MLLT3: variants seen among roughly 807,000 people sequenced by gnomAD.
The protein encoded by MLLT3 is protein AF-9.
Under a neutral mutation model 53.2 loss-of-function variants are expected in MLLT3, and 4 were observed. The observed-to-expected ratio is 0.08, with a 90% CI of 0.04 to 0.17. MLLT3 has a LOEUF of 0.17. MLLT3 is among the 10% of genes least tolerant of loss of function. The probability of loss-of-function intolerance (pLI) is 1.00; values close to 1 mark genes in which losing one functional copy is unlikely to be tolerated. For synonymous variants in MLLT3, 283 were observed against 230.6 expected, an observed-to-expected ratio of 1.23 and a Z score of -2.06; for missense variants, 569 against 684.0, an observed-to-expected ratio of 0.83 and a Z score of 1.87.
chr9:20,363,459 C>T lies in MLLT3; in HGVS notation c.1331+17G>A, dbSNP rs756265354. 6.2e-7 allele frequency: 1 copy of T among 1,612,870 alleles called. No individual in the cohort carries two copies. Among genetic ancestry groups the T allele is most frequent in the Admixed American group, 1.7e-5 (1 of 59,964 alleles). On this transcript the variant is annotated intron_variant, in intron 7 of 10. Coordinates refer to ENST00000380338, the MANE Select transcript of MLLT3 (RefSeq NM_004529.4). ...TGACTTCATCACAGGCAACCCCTTT[C>T]CTTCCAAGATACTCACCTGCGACTT...
chr9:20,526,508 G>C (rs1178826498), intron 2 of MLLT3, among the ~76,000 whole-genome samples: 1 of 152,138 alleles, frequency 6.6e-6, no homozygotes, highest in Non-Finnish European at 1.5e-5. Context: ...CTTCTTAAGA[G>C]TCATTCACAT....
chr9:20,427,703 G>A (rs577967443), intron 4 of MLLT3, among the ~76,000 whole-genome samples: 1 of 151,968 alleles, frequency 6.6e-6, no homozygotes, highest in South Asian at 2.1e-4. Context: ...AGAAACAAGA[G>A]ATCATGTATT....
At chr9:20,424,402 G>C (rs1166079967) in intron 4 of MLLT3, among the ~76,000 whole-genome samples, 2 of 152,152 alleles carry the variant, frequency 1.3e-5, no homozygotes, top group African/African-American at 4.8e-5. Context: ...AAGGGTTTCA[G>C]AAAACTGCAA....
At chr9:20,381,696 G>A (rs1049524124) in intron 5 of MLLT3, among the ~76,000 whole-genome samples, 1 of 151,784 alleles carries the variant, frequency 6.6e-6, no homozygotes, top group South Asian at 2.1e-4. Context: ...AAATACCCTA[G>A]TGGTTAGATA....
chr9:20,515,124 T>C (rs1335696066), intron 2 of MLLT3, among the ~76,000 whole-genome samples: 2 of 151,978 alleles, frequency 1.3e-5, no homozygotes, highest in African/African-American at 2.4e-5. Context: ...TTTTTTGTAT[T>C]TCTAGCAGAG....
intron 5 of MLLT3, among the ~76,000 whole-genome samples, chr9:20,398,990 C>T (rs529934522): frequency 1.1e-3 from 168 of 152,246 alleles, no homozygotes; most frequent in African/African-American, 3.7e-3. Context: ...TACTCCAACA[C>T]AAAGGCAAGG....
At chr9:20,600,968 G>T (rs930100623) in intron 2 of MLLT3, among the ~76,000 whole-genome samples, 2 of 151,968 alleles carry the variant, frequency 1.3e-5, no homozygotes, top group African/African-American at 4.8e-5. Flanking sequence ...AAGCCCCAGG[G>T]GTCCCTAAGG....
In MLLT3 at chr9:20,345,387, G is replaced by T; in HGVS notation, c.*1056C>A. ...TCTGATTCCAGATTTTTAGGATAAA[G>T]ATGAGTAACACACTGGCAGCTGAAG... On this transcript the variant is annotated 3_prime_UTR_variant, in exon 11 of 11. Transcript: ENST00000380338. The T allele has an allele frequency of 4.7e-6, 1 of 210,816 alleles. No homozygotes were observed. Among genetic ancestry groups the T allele is most frequent in the African/African-American group, 2.3e-5 (1 of 44,144 alleles). The allele number at this position is 210,816 out of a possible 1,614,324, so 13.1% of individuals were successfully genotyped here. A position where few individuals can be genotyped will look rare whatever the true frequency, so the allele number is the denominator to read the frequency against.
At chr9:20,384,006 G>A (rs934045097) in intron 5 of MLLT3, among the ~76,000 whole-genome samples, 2 of 151,898 alleles carry the variant, frequency 1.3e-5, no homozygotes, top group Non-Finnish European at 2.9e-5. Context: ...ACTTATTTAG[G>A]GCATCACATT....
At chr9:20,373,617 T>C (rs1162014575) in intron 5 of MLLT3, among the ~76,000 whole-genome samples, 1 of 152,118 alleles carries the variant, frequency 6.6e-6, no homozygotes, top group South Asian at 2.1e-4. Flanking sequence ...AAAATAAAAA[T>C]AGTGAAAAGG....
At chr9:20,511,684 T>C (rs558767027) in intron 2 of MLLT3, among the ~76,000 whole-genome samples, 6 of 152,180 alleles carry the variant, frequency 3.9e-5, no homozygotes, top group African/African-American at 7.2e-5. Flanking sequence ...TAAGAAAATA[T>C]GTAAGATTTT....
intron 2 of MLLT3, among the ~76,000 whole-genome samples, chr9:20,527,278 A>G (rs895755747): frequency 5.9e-5 from 9 of 152,200 alleles, no homozygotes; most frequent in African/African-American, 1.9e-4. Flanking sequence ...ATGCAAAAGC[A>G]TAAAGAGCCA....
At chr9:20,360,519 AACTT>A (rs1311033421) in intron 8 of MLLT3, among the ~76,000 whole-genome samples, 4 of 152,328 alleles carry the variant, frequency 2.6e-5, no homozygotes, top group African/African-American at 9.6e-5. Context: ...TTATTGTACT[AACTT>A]AATTAACCCA....
intron 4 of MLLT3, among the ~76,000 whole-genome samples, chr9:20,425,034 A>G (rs1424660414): frequency 6.6e-6 from 1 of 152,184 alleles, no homozygotes; most frequent in Non-Finnish European, 1.5e-5. Context: ...TACATAGCAC[A>G]ATGTTATCAA....
At chr9:20,520,816 T>C (rs1443597546) in intron 2 of MLLT3, among the ~76,000 whole-genome samples, 1 of 152,106 alleles carries the variant, frequency 6.6e-6, no homozygotes, top group African/African-American at 2.4e-5. Context: ...CATTTGGGAA[T>C]AGCAAAGTGT....
Position 20,622,277 on chromosome 9 carries a change from G to A in MLLT3, c.-21C>T, listed in dbSNP as rs1387959347. The A allele has an allele frequency of 1.4e-5, 22 of 1,588,214 alleles. No homozygotes were observed. Among genetic ancestry groups the A allele is most frequent in the Non-Finnish European group, 1.7e-5 (20 of 1,166,268 alleles). On this transcript the variant is annotated 5_prime_UTR_variant, in exon 1 of 11. Coordinates refer to ENST00000380338, the MANE Select transcript of MLLT3 (RefSeq NM_004529.4). ...GCCATGCCTGGGGGCCCGGAGGTTTGCTGGGGTGTTGTGTGGTACCCCCCC... is the reference window on the plus strand; with the variant it reads ...GCCATGCCTGGGGGCCCGGAGGTTTACTGGGGTGTTGTGTGGTACCCCCCC...
intron 2 of MLLT3, among the ~76,000 whole-genome samples, chr9:20,500,340 C>T (rs1391527585): frequency 6.6e-6 from 1 of 152,184 alleles, no homozygotes; most frequent in Non-Finnish European, 1.5e-5. Context: ...CACAACTGAA[C>T]ACCGTATTTC....
chr9:20,458,146 A>T (rs780887443), intron 2 of MLLT3, among the ~76,000 whole-genome samples: 2 of 152,150 alleles, frequency 1.3e-5, no homozygotes, highest in Admixed American at 6.5e-5. Flanking sequence ...TCTTCACAAG[A>T]TCTTTCTAGA....
In MLLT3 at chr9:20,343,850, A is replaced by C. The variant is rs1004317580; in HGVS notation, c.*2593T>G. 4.8e-6 allele frequency: 1 copy of C among 208,860 alleles called. No individual in the cohort carries two copies. Among genetic ancestry groups the C allele is most frequent in the African/African-American group, 2.3e-5 (1 of 44,074 alleles). The allele number at this position is 208,860 out of a possible 1,614,324, so 12.9% of individuals were successfully genotyped here. A position where few individuals can be genotyped will look rare whatever the true frequency, so the allele number is the denominator to read the frequency against. ...TAGGCTTCAAAGTTGGGTGTATATA[A>C]ATGTGACAGAACTGAAGGGGTTACT... On this transcript the variant is annotated 3_prime_UTR_variant, in exon 11 of 11. Coordinates refer to ENST00000380338, the MANE Select transcript of MLLT3 (RefSeq NM_004529.4).
Sources: allele counts gnomAD v4.1 joint callset (sites outside exome capture counted in the v4.1 genomes callset), GRCh38; gene constraint gnomAD v4.1.1; transcripts MANE v1.5; gene names NCBI Gene and HGNC (gene_info 2026-07-23, HGNC 2026-07-21).